LRRC4C: variants seen among roughly 807,000 people sequenced by gnomAD.
LRRC4C encodes leucine rich repeat containing 4C.
A neutral mutation model predicts 33.6 loss-of-function variants in LRRC4C; 5 were observed. The ratio of observed to expected loss-of-function variants is 0.15; its 90% CI spans 0.08 to 0.31. The LOEUF is 0.31. Among genes scored for constraint, LRRC4C ranks in the 10% least tolerant of loss-of-function variants. The pLI is 1.00. For synonymous variants in LRRC4C, 329 were observed against 302.0 expected (o/e 1.09, Z -0.93); for missense variants, 560 against 796.7 (o/e 0.70, Z 3.58).
chr11:41,319,512 A>C (rs1950892777), intron 1 of LRRC4C, among the ~76,000 whole-genome samples: 1 of 152,118 alleles, frequency 6.6e-6, no homozygotes, highest in African/African-American at 2.4e-5. Context: ...ACATATCATA[A>C]TTGCCAACTA....
At chr11:41,255,994 C>T (rs1169193611) in intron 1 of LRRC4C, among the ~76,000 whole-genome samples, 2 of 151,932 alleles carry the variant, frequency 1.3e-5, no homozygotes, top group African/African-American at 2.4e-5. Flanking sequence ...AACAAAAGGG[C>T]AACTTCTTTG....
At chr11:41,370,639 A>G (rs1031629605) in intron 1 of LRRC4C, among the ~76,000 whole-genome samples, 10 of 152,068 alleles carry the variant, frequency 6.6e-5, no homozygotes, top group African/African-American at 2.4e-4. Context: ...GTCCAATTAA[A>G]CTCCTTTTTC....
intron 3 of LRRC4C, among the ~76,000 whole-genome samples, chr11:40,434,428 T>G (rs986969147): frequency 6.6e-6 from 1 of 152,174 alleles, no homozygotes; most frequent in Non-Finnish European, 1.5e-5. Flanking sequence ...AATAGCCAAA[T>G]CCAGGGCATC....
At chr11:41,310,301 G>C (rs896700104) in intron 1 of LRRC4C, among the ~76,000 whole-genome samples, 1 of 152,196 alleles carries the variant, frequency 6.6e-6, no homozygotes, top group African/African-American at 2.4e-5. Flanking sequence ...TTAAGGAGAA[G>C]AATTAGGACT....
intron 5 of LRRC4C, among the ~76,000 whole-genome samples, chr11:40,162,109 A>T (rs1859204293): frequency 6.6e-6 from 1 of 151,878 alleles, no homozygotes; most frequent in South Asian, 2.1e-4. Flanking sequence ...CAACGATTCA[A>T]CTTCTTACTC....
chr11:40,230,664 T>C (rs569427045), intron 5 of LRRC4C, among the ~76,000 whole-genome samples: 4 of 152,252 alleles, frequency 2.6e-5, no homozygotes, highest in East Asian at 1.9e-4. Flanking sequence ...TACCTACAGA[T>C]TGCCAAAAAT....
At chr11:40,513,691 G>A (rs1011672148) in intron 3 of LRRC4C, among the ~76,000 whole-genome samples, 1 of 152,138 alleles carries the variant, frequency 6.6e-6, no homozygotes, top group African/African-American at 2.4e-5. Context: ...TATTCCTCCT[G>A]AAGGATACTT....
At chr11:41,342,457 A>G (rs1181782200) in intron 1 of LRRC4C, among the ~76,000 whole-genome samples, 1 of 152,174 alleles carries the variant, frequency 6.6e-6, no homozygotes, top group Non-Finnish European at 1.5e-5. Context: ...GCTCTCACCC[A>G]TAATCATAGC....
chr11:40,181,169 C>A (rs981587675), intron 5 of LRRC4C, among the ~76,000 whole-genome samples: 1 of 152,176 alleles, frequency 6.6e-6, no homozygotes, highest in Non-Finnish European at 1.5e-5. Flanking sequence ...AAAATAAGAT[C>A]TTTCTTCCCT....
At chr11:41,262,965 G>A (rs141392408) in intron 1 of LRRC4C, among the ~76,000 whole-genome samples, 3 of 151,970 alleles carry the variant, frequency 2.0e-5, no homozygotes, top group Non-Finnish European at 2.9e-5. Flanking sequence ...TTAACACATC[G>A]CATGGCCTCT....
At chr11:41,367,790 A>G (rs16935635) in intron 1 of LRRC4C, among the ~76,000 whole-genome samples, 27,256 of 152,042 alleles carry the variant, frequency 0.18, 2,723 homozygotes, top group East Asian at 0.42. Flanking sequence ...AGCCACAAAG[A>G]GCATCCCAAG....
intron 1 of LRRC4C, among the ~76,000 whole-genome samples, chr11:41,120,699 T>C (rs936075477): frequency 6.6e-6 from 1 of 152,150 alleles, no homozygotes; most frequent in Non-Finnish European, 1.5e-5. Flanking sequence ...GATAATAAAG[T>C]CTTCCTTCTC....
At chr11:41,258,322 C>T (rs1321894158) in intron 1 of LRRC4C, among the ~76,000 whole-genome samples, 1 of 151,958 alleles carries the variant, frequency 6.6e-6, no homozygotes, top group Non-Finnish European at 1.5e-5. Flanking sequence ...GGGAAGAAGA[C>T]ACTGGTATAT....
chr11:41,017,136 A>C (rs1309027450), intron 1 of LRRC4C, among the ~76,000 whole-genome samples: 1 of 152,200 alleles, frequency 6.6e-6, no homozygotes, highest in Admixed American at 6.5e-5. Flanking sequence ...AAGAGCAAAA[A>C]TAAAATTATT....
At chr11:40,698,162 A>G (rs1045348542) in intron 2 of LRRC4C, among the ~76,000 whole-genome samples, 2 of 152,086 alleles carry the variant, frequency 1.3e-5, no homozygotes, top group African/African-American at 4.8e-5. Flanking sequence ...AATAATATCA[A>G]AACAAATGAA....
intron 1 of LRRC4C, among the ~76,000 whole-genome samples, chr11:41,165,350 T>C (rs114375821): frequency 5.5e-4 from 84 of 152,274 alleles, no homozygotes; most frequent in African/African-American, 1.9e-3. Flanking sequence ...ATGATGGTCA[T>C]GATTCAGGGA....
At chr11:40,344,989 C>G (rs1261207502) in intron 3 of LRRC4C, among the ~76,000 whole-genome samples, 1 of 151,972 alleles carries the variant, frequency 6.6e-6, no homozygotes, top group Non-Finnish European at 1.5e-5. Flanking sequence ...AAACACTGCT[C>G]AAATAAATTG....
chr11:41,098,254 G>C (rs1027729111), intron 1 of LRRC4C, among the ~76,000 whole-genome samples: 1 of 151,988 alleles, frequency 6.6e-6, no homozygotes, highest in Non-Finnish European at 1.5e-5. Context: ...TTGTCTTTAG[G>C]GTTCTAGAAA....
At chr11:40,635,797 C>T (rs946073307) in intron 3 of LRRC4C, among the ~76,000 whole-genome samples, 3 of 151,462 alleles carry the variant, frequency 2.0e-5, no homozygotes, top group Non-Finnish European at 2.9e-5. Context: ...CCACCATGCC[C>T]GGCTAATTTT....
Sources: allele counts gnomAD v4.1 joint callset (sites outside exome capture counted in the v4.1 genomes callset), GRCh38; gene constraint gnomAD v4.1.1; transcripts MANE v1.5; gene names NCBI Gene and HGNC (gene_info 2026-07-23, HGNC 2026-07-21).